Variants in MAGI2 observed in about 807,000 individuals in gnomAD.
MAGI2 encodes the protein membrane associated guanylate kinase, WW and PDZ domain containing 2, also known as membrane-associated guanylate kinase, WW and PDZ domain-containing protein 2.
MAGI2 carries 35 observed loss-of-function variants against 133.3 expected under a neutral mutation model. The observed-to-expected ratio is 0.26, with a 90% CI of 0.20 to 0.35. The LOEUF is 0.35. Among genes scored for constraint, MAGI2 ranks in the 10% least tolerant of loss-of-function variants. MAGI2 has a pLI of 1.00. For synonymous variants in MAGI2, 729 were observed against 710.6 expected (o/e 1.03, Z -0.41); for missense variants, 1,636 against 1,863.4 (o/e 0.88, Z 2.25).
At chr7:78,362,959 T>G (rs1171228205) in intron 7 of MAGI2, among the ~76,000 whole-genome samples, 1 of 152,210 alleles carries the variant, frequency 6.6e-6, no homozygotes, top group Non-Finnish European at 1.5e-5. Context: ...TCTTCTCCTT[T>G]GTACATGTTG....
chr7:79,076,433 T>C (rs938847705), intron 1 of MAGI2, among the ~76,000 whole-genome samples: 24 of 152,210 alleles, frequency 1.6e-4, no homozygotes, highest in African/African-American at 5.3e-4. Context: ...ATGGCTTTCA[T>C]AAATATGATT....
chr7:78,497,408 A>C (rs1359216090), intron 5 of MAGI2, among the ~76,000 whole-genome samples: 1 of 152,176 alleles, frequency 6.6e-6, no homozygotes, highest in Non-Finnish European at 1.5e-5. Flanking sequence ...AAGCAGTTTG[A>C]GTAGTGTGGG....
chr7:78,649,805 C>A (rs1811350597), intron 2 of MAGI2, among the ~76,000 whole-genome samples: 1 of 152,046 alleles, frequency 6.6e-6, no homozygotes. Flanking sequence ...AGTTATTTAA[C>A]CTCACTCGTC....
At chr7:78,712,061 G>T (rs1819248942) in intron 2 of MAGI2, among the ~76,000 whole-genome samples, 1 of 152,136 alleles carries the variant, frequency 6.6e-6, no homozygotes, top group Non-Finnish European at 1.5e-5. Flanking sequence ...AAAAGGAACA[G>T]TGCTACTGGC....
chr7:78,447,129 T>C (rs2151474176), intron 6 of MAGI2, among the ~76,000 whole-genome samples: 1 of 152,246 alleles, frequency 6.6e-6, no homozygotes, highest in South Asian at 2.1e-4. Flanking sequence ...TACCGATACA[T>C]GTTATCCATC....
chr7:78,555,818 C>T (rs1584616730), intron 3 of MAGI2, among the ~76,000 whole-genome samples: 1 of 152,172 alleles, frequency 6.6e-6, no homozygotes, highest in Non-Finnish European at 1.5e-5. Flanking sequence ...ATGTGTTTAT[C>T]TAAACACTCA....
At chr7:78,905,249 A>G (rs1053241147) in intron 2 of MAGI2, among the ~76,000 whole-genome samples, 1 of 152,178 alleles carries the variant, frequency 6.6e-6, no homozygotes, top group African/African-American at 2.4e-5. Context: ...AATGTGTTGC[A>G]ATTTTCAGTA....
At chr7:78,664,742 A>T (rs1042995917) in intron 2 of MAGI2, among the ~76,000 whole-genome samples, 8 of 151,860 alleles carry the variant, frequency 5.3e-5, no homozygotes, top group Non-Finnish European at 1.0e-4. Flanking sequence ...TCTAACAATT[A>T]TTAATACGTG....
intron 2 of MAGI2, among the ~76,000 whole-genome samples, chr7:78,709,791 T>C (rs1585156098): frequency 1.3e-5 from 2 of 152,318 alleles, no homozygotes. Context: ...GCTTGGCTCC[T>C]GGCATTTACA....
rs1377785068 is a variant in MAGI2, at chr7:78,019,373, G to C, written c.4310C>G (p.Pro1437Arg). 4 of 1,444,070 alleles carry C rather than the reference G, an allele frequency of 2.8e-6. No individual in the cohort carries two copies. In the Admixed American group the frequency reaches 8.2e-5, roughly 30 times the overall value. 89.5% of individuals were successfully genotyped at this position (1,444,070 alleles called of 1,614,324 possible). A position where few individuals can be genotyped will look rare whatever the true frequency, so the allele number is the denominator to read the frequency against. ...GACGCTGGGCAGCTTGTCAGAACCCGGCACCTTCCAGGGCCCCGGCGCGAC... is the reference window on the plus strand; with the variant it reads ...GACGCTGGGCAGCTTGTCAGAACCCCGCACCTTCCAGGGCCCCGGCGCGAC... ...AAVAPGPWKV[P>R]GSDKLPSVLK... The change falls in exon 22 of 22, where the codon CCG (proline) becomes CGG (arginine). Residue 1437 changes from proline (P) to arginine (R), a missense_variant. Coordinates refer to ENST00000354212, the MANE Select transcript of MAGI2 (RefSeq NM_012301.4).
At chr7:79,125,394 C>T in intron 1 of MAGI2, 2 of 484,862 alleles carry the variant, frequency 4.1e-6, no homozygotes, top group South Asian at 1.6e-5. Context: ...ATGGAGGAAA[C>T]CTCAGGGGTC....
At chr7:78,426,018 C>A (rs1292416179) in intron 6 of MAGI2, among the ~76,000 whole-genome samples, 3 of 151,960 alleles carry the variant, frequency 2.0e-5, no homozygotes, top group Non-Finnish European at 4.4e-5. Flanking sequence ...GACATTAACC[C>A]CAAAATGATT....
chr7:78,208,671 A>T (rs1251274986), intron 10 of MAGI2, among the ~76,000 whole-genome samples: 1 of 141,916 alleles, frequency 7.0e-6, no homozygotes, highest in African/African-American at 2.6e-5. Flanking sequence ...GACATTTTTT[A>T]AAAAATGGTG....
chr7:79,160,919 T>G (rs1289673360), intron 1 of MAGI2, among the ~76,000 whole-genome samples: 1 of 152,018 alleles, frequency 6.6e-6, no homozygotes, highest in African/African-American at 2.4e-5. Flanking sequence ...ATAGGATTAT[T>G]TAGGAAGCCT....
At chr7:78,570,442 G>A (rs1008250519) in intron 3 of MAGI2, among the ~76,000 whole-genome samples, 1 of 152,086 alleles carries the variant, frequency 6.6e-6, no homozygotes, top group African/African-American at 2.4e-5. Context: ...GAAGAGAAGA[G>A]AGAAAGTAAG....
chr7:78,245,289 G>T (rs1410928341), intron 10 of MAGI2, among the ~76,000 whole-genome samples: 1 of 152,242 alleles, frequency 6.6e-6, no homozygotes, highest in East Asian at 1.9e-4. Context: ...TTATTTTTTG[G>T]TCTGTCTCTA....
intron 6 of MAGI2, among the ~76,000 whole-genome samples, chr7:78,434,896 G>A (rs1262019866): frequency 3.3e-5 from 5 of 152,120 alleles, no homozygotes; most frequent in Non-Finnish European, 7.4e-5. Context: ...ATCCTATGAG[G>A]GAGTTGCTGG....
chr7:78,899,156 A>G (rs1797424798), intron 2 of MAGI2, among the ~76,000 whole-genome samples: 1 of 152,192 alleles, frequency 6.6e-6, no homozygotes, highest in Admixed American at 6.5e-5. Flanking sequence ...CTTCTCCATG[A>G]CATTCATATG....
chr7:78,800,240 A>G (rs1311924737), intron 2 of MAGI2, among the ~76,000 whole-genome samples: 1 of 152,104 alleles, frequency 6.6e-6, no homozygotes, highest in Non-Finnish European at 1.5e-5. Flanking sequence ...ACCCTAAAAT[A>G]TCTGTGGTAT....
Sources: gnomAD v4.1 joint callset for allele counts (sites outside exome capture counted in the v4.1 genomes callset) on GRCh38, gnomAD v4.1.1 for gene constraint, MANE v1.5 for transcripts, NCBI Gene and HGNC (gene_info 2026-07-23, HGNC 2026-07-21) for gene names.